The following AGBL4 variants were observed in gnomAD, a reference collection of about 807,000 sequenced individuals.
The protein encoded by AGBL4 is cytosolic carboxypeptidase 6.
AGBL4 carries 58 observed loss-of-function variants against 66.4 expected under a neutral mutation model. The ratio of observed to expected loss-of-function variants is 0.87; its 90% confidence interval spans 0.71 to 1.09. The LOEUF is 1.09. Among genes scored for constraint, AGBL4 ranks in the 50% least tolerant of loss-of-function variants. The pLI, the probability that AGBL4 is intolerant of heterozygous loss-of-function variation, is 0.00. For missense variants in AGBL4, 579 were observed against 631.0 expected (o/e 0.92, Z 0.88); for synonymous variants, 234 against 222.9 (o/e 1.05, Z -0.44).
At chr1:49,874,542 T>C (rs1646925894) in intron 1 of AGBL4, among the ~76,000 whole-genome samples, 2 of 152,142 alleles carry the variant, frequency 1.3e-5, no homozygotes, top group Non-Finnish European at 1.5e-5. Flanking sequence ...GTCTACTTAT[T>C]ATATGTAAAA....
intron 1 of AGBL4, among the ~76,000 whole-genome samples, chr1:49,943,009 T>C (rs1654908427): frequency 6.6e-6 from 1 of 152,266 alleles, no homozygotes; most frequent in African/African-American, 2.4e-5. Flanking sequence ...AGGACCTGAA[T>C]AGACATTTCT....
chr1:49,645,792 T>C (rs1645875332), intron 3 of AGBL4, among the ~76,000 whole-genome samples: 1 of 148,952 alleles, frequency 6.7e-6, no homozygotes. Flanking sequence ...AGAATGTTTA[T>C]CAAATCAAAT....
intron 3 of AGBL4, among the ~76,000 whole-genome samples, chr1:49,375,156 T>C (rs1298412533): frequency 6.6e-6 from 1 of 152,124 alleles, no homozygotes; most frequent in Non-Finnish European, 1.5e-5. Context: ...ACAACTGCTT[T>C]TGCTTGGGGC....
intron 3 of AGBL4, among the ~76,000 whole-genome samples, chr1:49,524,901 C>T (rs1187083773): frequency 1.3e-5 from 2 of 152,032 alleles, no homozygotes; most frequent in Non-Finnish European, 2.9e-5. Flanking sequence ...CAGAGATGAA[C>T]AATGGCAGAA....
rs1444356924 is a variant in AGBL4 at position 48,869,500 on chromosome 1, A to AT, written c.595-2271dup. Among the ~76,000 whole-genome samples the AT allele has an allele frequency of 7.2e-5, 11 of 152,234 alleles. No homozygotes were observed. In the East Asian group the frequency reaches 1.2e-3, roughly 16 times the overall value. Reference sequence around the variant, plus strand: ...AAGATGGCCTATTTGTCTGAAATGTATTTTTTTCTAATTAAGAACTATTGC... The same window carrying AT: ...AAGATGGCCTATTTGTCTGAAATGTATTTTTTTTCTAATTAAGAACTATTGC... On this transcript the variant is annotated intron_variant, in intron 5 of 13. Transcript: ENST00000371839.
At chr1:49,357,294 G>T (rs1185623960) in intron 3 of AGBL4, among the ~76,000 whole-genome samples, 2 of 152,152 alleles carry the variant, frequency 1.3e-5, no homozygotes, top group African/African-American at 4.8e-5. Flanking sequence ...TTCCTTGATT[G>T]TAAGCTATTG....
At chr1:49,316,169 T>C (rs1645035812) in intron 3 of AGBL4, among the ~76,000 whole-genome samples, 1 of 151,948 alleles carries the variant, frequency 6.6e-6, no homozygotes. Context: ...ACGATTATTC[T>C]GAATGAAACT....
intron 5 of AGBL4, among the ~76,000 whole-genome samples, chr1:48,997,022 A>C (rs1661067027): frequency 6.6e-6 from 1 of 152,178 alleles, no homozygotes; most frequent in Non-Finnish European, 1.5e-5. Context: ...TCAGGGGTTC[A>C]AGCAATTCTC....
intron 3 of AGBL4, among the ~76,000 whole-genome samples, chr1:49,366,919 G>A (rs1644251694): frequency 6.6e-6 from 1 of 152,168 alleles, no homozygotes; most frequent in Non-Finnish European, 1.5e-5. Context: ...AGAGGCAGGA[G>A]GCTCTGAGAG....
intron 5 of AGBL4, among the ~76,000 whole-genome samples, chr1:49,026,623 G>A (rs2149029303): frequency 6.6e-6 from 1 of 152,292 alleles, no homozygotes; most frequent in East Asian, 1.9e-4. Flanking sequence ...ATCTGTGCTT[G>A]AATTAGGCAT....
chr1:49,447,356 G>T (rs1646182388), intron 3 of AGBL4, among the ~76,000 whole-genome samples: 1 of 152,136 alleles, frequency 6.6e-6, no homozygotes, highest in Non-Finnish European at 1.5e-5. Flanking sequence ...CTGCCTGTGG[G>T]TAGGGTAATA....
intron 1 of AGBL4, among the ~76,000 whole-genome samples, chr1:49,901,024 C>A (rs1440534261): frequency 6.6e-6 from 1 of 152,136 alleles, no homozygotes; most frequent in Non-Finnish European, 1.5e-5. Context: ...GTTTACAAAG[C>A]AATCTTTCTT....
chr1:49,640,623 A>G (rs1175133332), intron 3 of AGBL4, among the ~76,000 whole-genome samples: 2 of 152,146 alleles, frequency 1.3e-5, no homozygotes, highest in Non-Finnish European at 2.9e-5. Context: ...AGGATAATAC[A>G]ATATCATGTT....
intron 3 of AGBL4, among the ~76,000 whole-genome samples, chr1:49,271,211 T>C (rs1028664041): frequency 1.3e-5 from 2 of 152,240 alleles, no homozygotes; most frequent in African/African-American, 4.8e-5. Flanking sequence ...CTTCCATCTA[T>C]GGGGACATAT....
chr1:49,884,028 T>G (rs1391124513), intron 1 of AGBL4, among the ~76,000 whole-genome samples: 4 of 152,022 alleles, frequency 2.6e-5, no homozygotes, highest in Admixed American at 6.6e-5. Context: ...ATTGTTGCTA[T>G]GGAATAACTT....
chr1:49,030,246 G>T (rs1664094289), intron 5 of AGBL4, among the ~76,000 whole-genome samples: 1 of 151,986 alleles, frequency 6.6e-6, no homozygotes, highest in African/African-American at 2.4e-5. Context: ...TTCACGAATG[G>T]GTTTAATGCT....
chr1:48,690,344 G>C (rs991620566), intron 6 of AGBL4, among the ~76,000 whole-genome samples: 4 of 152,126 alleles, frequency 2.6e-5, no homozygotes, highest in Admixed American at 2.0e-4. Flanking sequence ...GGGGGGCGCA[G>C]AGACTCTCAG....
At chr1:49,246,349 T>C (rs1282025198) in intron 3 of AGBL4, among the ~76,000 whole-genome samples, 2 of 151,968 alleles carry the variant, frequency 1.3e-5, no homozygotes, top group Non-Finnish European at 2.9e-5. Flanking sequence ...GTAAGAGTAG[T>C]ACATTTAAAG....
chr1:49,128,694 T>C (rs930838548), intron 4 of AGBL4, among the ~76,000 whole-genome samples: 5 of 151,996 alleles, frequency 3.3e-5, no homozygotes, highest in African/African-American at 1.2e-4. Context: ...AATAATATCA[T>C]ACCATATGCA....
Sources: gnomAD v4.1 joint callset for allele counts (sites outside exome capture counted in the v4.1 genomes callset) on GRCh38, gnomAD v4.1.1 for gene constraint, MANE v1.5 for transcripts, NCBI Gene and HGNC (gene_info 2026-07-23, HGNC 2026-07-21) for gene names.